NEDD1: variants seen among roughly 807,000 people sequenced by gnomAD.
The protein encoded by NEDD1 is protein NEDD1.
In NEDD1, 33 loss-of-function variants were observed where a neutral mutation model predicts 74.0. The observed-to-expected ratio is 0.45, with a 90% confidence interval of 0.34 to 0.60. The LOEUF (loss-of-function observed/expected upper bound fraction) is 0.60, where lower values mean the gene tolerates loss of function less well. Ranked by LOEUF, NEDD1 falls within the 20% of genes least tolerant of loss-of-function variation. The pLI is 0.01. For synonymous variants in NEDD1, 250 were observed against 264.4 expected, an observed-to-expected ratio of 0.95 and a Z score of 0.53; for missense variants, 746 against 776.5, an observed-to-expected ratio of 0.96 and a Z score of 0.47.
chr12:96,945,547 T>G, intron 13 of NEDD1, 146 bp from the exon 14 acceptor site: 1 of 589,208 alleles, frequency 1.7e-6, no homozygotes, highest in South Asian at 2.3e-5. Flanking sequence ...AAGATTTGTA[T>G]TCCAGACAGT....
At chr12:96,916,506 T>G (rs1189421371) in intron 4 of NEDD1, among the ~76,000 whole-genome samples, 5 of 135,944 alleles carry the variant, frequency 3.7e-5, no homozygotes, top group Non-Finnish European at 6.2e-5. Flanking sequence ...ATATGCGGTG[T>G]TTGGTTTTTT....
chr12:96,938,385 T>G (rs1165217686), intron 9 of NEDD1, among the ~76,000 whole-genome samples: 1 of 152,074 alleles, frequency 6.6e-6, no homozygotes, highest in Non-Finnish European at 1.5e-5. Context: ...GAGTAATGTC[T>G]GCCAACATGT....
At position 96,943,654 on chromosome 12, in the gene NEDD1, T is replaced by C; in HGVS notation, c.1389T>C (p.Asn463=). Reference sequence around the variant, plus strand: ...CAGTATTGCATTCTAGTCCTCTTAATGTTTTTATGGGATCTCCAGGGAAAG... The same window carrying C: ...CAGTATTGCATTCTAGTCCTCTTAACGTTTTTATGGGATCTCCAGGGAAAG... ...STSVLHSSPL[N]VFMGSPGKEE... Residue 463 remains asparagine, a synonymous_variant, in exon 12 of 16, where the codon AAT becomes AAC. Coordinates refer to ENST00000266742, the MANE Select transcript of NEDD1 (RefSeq NM_152905.4). 3 of 1,611,648 alleles carry C rather than the reference T, an allele frequency of 1.9e-6. No homozygotes were observed. The highest frequency in any genetic ancestry group is 2.5e-6 in the Non-Finnish European group (3 of 1,177,852).
At chr12:96,913,690 G>A (rs772864347) in intron 4 of NEDD1, among the ~76,000 whole-genome samples, 15 of 151,980 alleles carry the variant, frequency 9.9e-5, no homozygotes, top group Non-Finnish European at 1.3e-4. Flanking sequence ...TGTTTTATAA[G>A]TTAATCCCTC....
At chr12:96,947,941 G>A (rs80231105) in intron 14 of NEDD1, among the ~76,000 whole-genome samples, 3,024 of 152,264 alleles carry the variant, frequency 0.02, 93 homozygotes, top group African/African-American at 0.07. Flanking sequence ...ACCATAGGCA[G>A]CCTCTGCCTG....
chr12:96,928,535 G>C (rs919308491), intron 6 of NEDD1, among the ~76,000 whole-genome samples: 2 of 151,796 alleles, frequency 1.3e-5, no homozygotes, highest in Non-Finnish European at 2.9e-5. Flanking sequence ...TGATTTCATA[G>C]CTTTTGAAAC....
At chr12:96,939,446 T>C (rs750996411) in intron 9 of NEDD1, among the ~76,000 whole-genome samples, 2 of 152,082 alleles carry the variant, frequency 1.3e-5, no homozygotes, top group Non-Finnish European at 2.9e-5. Flanking sequence ...TTTAACTTTA[T>C]AGCAGGTGTT....
intron 14 of NEDD1, among the ~76,000 whole-genome samples, chr12:96,950,770 G>T (rs1001095629): frequency 1.3e-5 from 2 of 151,806 alleles, no homozygotes; most frequent in Admixed American, 1.3e-4. Flanking sequence ...AATCAGACAG[G>T]AACACACAGG....
chr12:96,917,671 C>A lies in NEDD1; in HGVS notation c.282C>A (p.Ser94Arg). Residue 94 changes from serine to arginine, a missense_variant, in exon 5 of 16, where the codon AGC (serine) becomes AGA (arginine). This residue lies in a region of NEDD1 where 706 missense variants were observed against 706.7 expected (regional missense o/e 1.00). Coordinates refer to ENST00000266742, the MANE Select transcript of NEDD1 (RefSeq NM_152905.4). ...ATTCTACATCTATGTATTTGGTAAGCGGAGGCCTAAATAACACTGTTAATA... is the reference window on the plus strand; with the variant it reads ...ATTCTACATCTATGTATTTGGTAAGAGGAGGCCTAAATAACACTGTTAATA... ...NLNSTSMYLV[S>R]GGLNNTVNIW... 1 of 1,543,942 alleles carries A rather than the reference C, an allele frequency of 6.5e-7. No individual in the cohort carries two copies. Among genetic ancestry groups the A allele is most frequent in the Non-Finnish European group, 8.7e-7 (1 of 1,154,998 alleles).
At chr12:96,932,442 TAAAA>T (rs747225218) in intron 6 of NEDD1, among the ~76,000 whole-genome samples, 32 of 10,604 alleles carry the variant, frequency 3.0e-3, no homozygotes, top group East Asian at 0.021. Flanking sequence ...TCCTGTCTCT[TAAAA>T]AAAAAAAAAA....
At chr12:96,939,763 C>T (rs1045506002) in intron 9 of NEDD1, among the ~76,000 whole-genome samples, 3 of 152,034 alleles carry the variant, frequency 2.0e-5, no homozygotes, top group South Asian at 2.1e-4. Context: ...AAACTGCTGC[C>T]GTCTCTTTAT....
At chr12:96,921,606 A>G (rs1394023628) in intron 6 of NEDD1, among the ~76,000 whole-genome samples, 1 of 152,078 alleles carries the variant, frequency 6.6e-6, no homozygotes, top group Non-Finnish European at 1.5e-5. Context: ...GAATGTATGA[A>G]TATTTTTAGA....
chr12:96,924,786 C>T (rs1361728364), intron 6 of NEDD1: 1 of 434,254 alleles, frequency 2.3e-6, no homozygotes, highest in Non-Finnish European at 4.6e-6. Context: ...TTTCTTATTT[C>T]CTAATCTTTA....
chr12:96,953,438 G>GTA lies in NEDD1; in HGVS notation c.*1385_*1386insTA, dbSNP rs1399252892. 1 of 151,748 alleles carries GTA rather than the reference G, an allele frequency of 6.6e-6. No homozygotes were observed. Among genetic ancestry groups the GTA allele is most frequent in the African/African-American group, 2.4e-5 (1 of 41,392 alleles). 9.4% of individuals were successfully genotyped at this position (151,748 alleles called of 1,614,324 possible). On this transcript the variant is annotated 3_prime_UTR_variant, in exon 16 of 16. Transcript: ENST00000266742. The stretch of plus-strand genomic sequence containing the variant: ...TCCTGACAGATTATGAAAGCATTAT[G>GTA]ACTTGTAACAAGTTTCCTTGTATAT...
chr12:96,937,152 T>G (rs1371559032), intron 8 of NEDD1, 46 bp from the exon 9 acceptor site: 1 of 1,101,922 alleles, frequency 9.1e-7, no homozygotes, highest in Non-Finnish European at 1.3e-6. Flanking sequence ...ATGTATAGTA[T>G]GAAACATTAG....
chr12:96,929,556 T>C (rs987736510), intron 6 of NEDD1, among the ~76,000 whole-genome samples: 7 of 127,812 alleles, frequency 5.5e-5, no homozygotes, highest in Admixed American at 8.3e-5. Flanking sequence ...TTTTCATGTA[T>C]ACACACACAC....
At chr12:96,937,077 C>T in intron 8 of NEDD1, 121 bp from the exon 9 acceptor site, 1 of 571,058 alleles carries the variant, frequency 1.8e-6, no homozygotes, top group South Asian at 4.8e-5. Flanking sequence ...GGTCTGCCAG[C>T]AAGCTTAAGA....
intron 6 of NEDD1, among the ~76,000 whole-genome samples, chr12:96,934,277 G>A (rs993902301): frequency 1.3e-5 from 2 of 150,396 alleles, no homozygotes; most frequent in African/African-American, 4.9e-5. Flanking sequence ...TATATATGGT[G>A]GATGTTCTAA....
chr12:96,929,629 T>A (rs1308068432), intron 6 of NEDD1, among the ~76,000 whole-genome samples: 10 of 133,478 alleles, frequency 7.5e-5, no homozygotes, highest in Non-Finnish European at 1.3e-4. Flanking sequence ...ATATATTTTT[T>A]TTTTAATGGC....
Sources: allele counts gnomAD v4.1 joint callset (sites outside exome capture counted in the v4.1 genomes callset), GRCh38; gene constraint gnomAD v4.1.1; regional missense constraint gnomAD v4.1.1; transcripts MANE v1.5; gene names NCBI Gene and HGNC (gene_info 2026-07-23, HGNC 2026-07-21).